The following HDAC8 variants were observed in gnomAD, a reference collection of about 807,000 sequenced individuals.
HDAC8 encodes histone deacetylase-like 1.
HDAC8 carries 1 observed loss-of-function variant against 32.2 expected under a neutral mutation model. The ratio of observed to expected loss-of-function variants is 0.03; its 90% CI spans 0.01 to 0.15. The LOEUF (loss-of-function observed/expected upper bound fraction) is 0.15, where lower values mean the gene tolerates loss of function less well. HDAC8 is among the 10% of genes least tolerant of loss of function. HDAC8 has a pLI of 1.00. For missense variants in HDAC8, 117 were observed against 300.0 expected, an observed-to-expected ratio of 0.39 and a Z score of 4.51; for synonymous variants, 108 against 113.9, an observed-to-expected ratio of 0.95 and a Z score of 0.33.
At chrX:72,568,447 A>G (rs1159490792) in intron 3 of HDAC8, among the ~76,000 whole-genome samples, 3 of 112,449 alleles carry the variant, frequency 2.7e-5, no homozygotes, top group African/African-American at 9.7e-5. Context: ...TAGCCAGAAC[A>G]TAAATCTGTA....
intron 9 of HDAC8, among the ~76,000 whole-genome samples, chrX:72,387,597 C>G (rs782083611): frequency 9.0e-6 from 1 of 111,662 alleles, no homozygotes; most frequent in Non-Finnish European, 1.9e-5. Flanking sequence ...CTGCCACTTA[C>G]TAATTCTGTC....
intron 6 of HDAC8, 68 bp downstream of exon 6, chrX:72,490,861 A>G: frequency 2.3e-6 from 2 of 870,428 alleles, no homozygotes; most frequent in Non-Finnish European, 3.4e-6. Flanking sequence ...CTGTCCAAGT[A>G]TAAGAAATGT....
chrX:72,385,981 A>G (rs1323903559), intron 9 of HDAC8, among the ~76,000 whole-genome samples: 1 of 112,515 alleles, frequency 8.9e-6, no homozygotes. Flanking sequence ...TGTGTTCTAC[A>G]GAAACTTGCA....
intron 9 of HDAC8, among the ~76,000 whole-genome samples, chrX:72,449,324 T>C (rs1555986501): frequency 9.0e-6 from 1 of 110,714 alleles, no homozygotes; most frequent in African/African-American, 3.3e-5. Flanking sequence ...AAAACTAACA[T>C]AGGAACAGAA....
intron 4 of HDAC8, among the ~76,000 whole-genome samples, chrX:72,542,760 T>C (rs1187737360): frequency 8.9e-6 from 1 of 112,221 alleles, no homozygotes; most frequent in Non-Finnish European, 1.9e-5. Context: ...CAAAGGTTTA[T>C]AAAGAGTCCT....
At chrX:72,357,894 G>T (rs1201391778) in intron 9 of HDAC8, among the ~76,000 whole-genome samples, 1 of 110,690 alleles carries the variant, frequency 9.0e-6, no homozygotes, top group African/African-American at 3.3e-5. Context: ...ACAGAGCACA[G>T]ATTTCTTTTC....
At chrX:72,501,807 A>T (rs1182465504) in intron 4 of HDAC8, among the ~76,000 whole-genome samples, 9 of 112,519 alleles carry the variant, frequency 8.0e-5, no homozygotes, top group Admixed American at 1.9e-4. Context: ...TGCACAGCAA[A>T]ATAAACTATC....
At chrX:72,562,870 C>T (rs1643949207) in intron 4 of HDAC8, among the ~76,000 whole-genome samples, 1 of 108,424 alleles carries the variant, frequency 9.2e-6, no homozygotes, top group Admixed American at 9.8e-5. Context: ...ATTTTTAAGA[C>T]CTATTTTTTT....
intron 4 of HDAC8, among the ~76,000 whole-genome samples, chrX:72,543,651 G>C (rs1321021721): frequency 2.7e-5 from 3 of 112,356 alleles, no homozygotes; most frequent in African/African-American, 9.7e-5. Context: ...GGAGACAACT[G>C]AAAGACCACT....
intron 8 of HDAC8, 34 bp downstream of exon 8, chrX:72,464,525 T>C: frequency 8.7e-7 from 1 of 1,148,431 alleles, no homozygotes; most frequent in African/African-American, 1.8e-5. Flanking sequence ...TGGAGGAAGG[T>C]CAACAAATTC....
At chrX:72,472,213 G>A (rs1302109033) in intron 7 of HDAC8, among the ~76,000 whole-genome samples, 8 of 106,338 alleles carry the variant, frequency 7.5e-5, no homozygotes, top group African/African-American at 2.0e-4. Flanking sequence ...GACTACAGGC[G>A]CCCGCCACTA....
chrX:72,413,290 C>G (rs1453866104), intron 9 of HDAC8, among the ~76,000 whole-genome samples: 11 of 81,770 alleles, frequency 1.3e-4, no homozygotes, highest in East Asian at 4.8e-4. Flanking sequence ...ACAACAGGCC[C>G]CGGTGTGTGA....
In HDAC8 at chrX:72,567,879, A is replaced by C; in HGVS notation, c.437+10T>G. The C allele has an allele frequency of 8.3e-7, 1 of 1,211,763 alleles. No individual in the cohort carries two copies. On this transcript the variant is annotated intron_variant, in intron 4 of 10. Coordinates refer to ENST00000373573, the MANE Select transcript of HDAC8 (RefSeq NM_018486.3). ...GAAAGAGTCAGAAAACAGAAAGGTC[A>C]TTTTCTTACTTCTTTGCATGATGCC... is the stretch of plus-strand genomic sequence containing the variant.
chrX:72,393,540 C>A, intron 9 of HDAC8, among the ~76,000 whole-genome samples: 1 of 111,995 alleles, frequency 8.9e-6, no homozygotes. Context: ...ATAGGTCTCG[C>A]TACGTCCCTC....
At chrX:72,472,633 G>A (rs949331231) in intron 7 of HDAC8, among the ~76,000 whole-genome samples, 4 of 111,540 alleles carry the variant, frequency 3.6e-5, no homozygotes, top group African/African-American at 9.8e-5. Context: ...CTTCTGTTTC[G>A]AGATTGCTTT....
intron 5 of HDAC8, among the ~76,000 whole-genome samples, chrX:72,492,091 A>G: frequency 8.9e-6 from 1 of 111,861 alleles, no homozygotes; most frequent in Middle Eastern, 4.6e-3. Flanking sequence ...AGCATGAAGT[A>G]AAAAAAATAA....
At chrX:72,431,577 AAGTT>A (rs1287539719) in intron 9 of HDAC8, among the ~76,000 whole-genome samples, 1 of 110,394 alleles carries the variant, frequency 9.1e-6, no homozygotes, top group Non-Finnish European at 1.9e-5. Flanking sequence ...CTTCTTGAAA[AAGTT>A]AGTCCTACCT....
intron 10 of HDAC8, among the ~76,000 whole-genome samples, chrX:72,337,576 C>T (rs782722188): frequency 9.0e-6 from 1 of 111,077 alleles, no homozygotes; most frequent in African/African-American, 3.3e-5. Context: ...TCCTTCACTG[C>T]TGTAACTGTA....
intron 7 of HDAC8, among the ~76,000 whole-genome samples, chrX:72,486,711 C>T (rs2048687945): frequency 9.0e-6 from 1 of 111,602 alleles, no homozygotes; most frequent in Admixed American, 9.5e-5. Flanking sequence ...TGAAACTATA[C>T]TTCTATAGTA....
Sources: allele counts gnomAD v4.1 joint callset (sites outside exome capture counted in the v4.1 genomes callset), GRCh38; gene constraint gnomAD v4.1.1; transcripts MANE v1.5; gene names NCBI Gene and HGNC (gene_info 2026-07-23, HGNC 2026-07-21).